ZBTB40: variants seen among roughly 807,000 people sequenced by gnomAD.
ZBTB40 encodes the protein zinc finger and BTB domain-containing protein 40.
Under a neutral mutation model 117.5 loss-of-function variants are expected in ZBTB40, and 60 were observed. That is an observed-to-expected ratio of 0.51 (90% CI 0.41 to 0.63). ZBTB40 has a LOEUF of 0.63. ZBTB40 is among the 30% of genes least tolerant of loss of function. The probability of loss-of-function intolerance (pLI) is 0.00; values close to 1 mark genes in which losing one functional copy is unlikely to be tolerated. For synonymous variants in ZBTB40, 525 were observed against 577.1 expected, an observed-to-expected ratio of 0.91 and a Z score of 1.29; for missense variants, 1,287 against 1,498.5, an observed-to-expected ratio of 0.86 and a Z score of 2.33.
At chr1:22,459,103 TATATC>T (rs1420867425) in intron 1 of ZBTB40, among the ~76,000 whole-genome samples, 1 of 152,254 alleles carries the variant, frequency 6.6e-6, no homozygotes, top group Non-Finnish European at 1.5e-5. Flanking sequence ...AGATAAAGGA[TATATC>T]ATGTCTGTGA....
rs368494166 is a variant in ZBTB40 at position 22,506,294 on chromosome 1, T to C, written c.1360+53T>C. On this transcript the variant is annotated intron_variant, in intron 6 of 17. Coordinates refer to ENST00000375647, the MANE Select transcript of ZBTB40 (RefSeq NM_014870.4). ...CTGGAACCACTCTTCCAGAAAATTGTAGCTTGAAACACCCTTTTGGCTCCA... is the reference window on the plus strand; with the variant it reads ...CTGGAACCACTCTTCCAGAAAATTGCAGCTTGAAACACCCTTTTGGCTCCA... The C allele has an allele frequency of 1.1e-5, 17 of 1,591,558 alleles. No homozygotes were observed. In the East Asian group the frequency reaches 1.3e-4, roughly 13 times the overall value.
chr1:22,438,703 A>G (rs145630386), intron 1 of ZBTB40, among the ~76,000 whole-genome samples: 217 of 152,250 alleles, frequency 1.4e-3, no homozygotes, highest in African/African-American at 4.6e-3. Context: ...TTTTTGTTTT[A>G]TAGCAGCTGT....
In ZBTB40 at chr1:22,517,867, G is replaced by C. The variant is rs533899391; in HGVS notation, c.2833+403G>C. Reference sequence around the variant, plus strand: ...ACTTTCTGAGTTAATGTCTACCATCGTAAGTGAGCCTTGGTTATGTTTCCT... The same window carrying C: ...ACTTTCTGAGTTAATGTCTACCATCCTAAGTGAGCCTTGGTTATGTTTCCT... On this transcript the variant is annotated intron_variant, in intron 13 of 17. Transcript: ENST00000375647. Among the ~76,000 whole-genome samples, 4 of 152,262 alleles carry C rather than the reference G, an allele frequency of 2.6e-5. No homozygotes were observed. The South Asian group carries it at 8.3e-4, about 32-fold the overall frequency.
At chr1:22,463,443 A>G (rs1641176359) in intron 1 of ZBTB40, among the ~76,000 whole-genome samples, 1 of 152,256 alleles carries the variant, frequency 6.6e-6, no homozygotes, top group Admixed American at 6.5e-5. Flanking sequence ...TTTTCAGGGC[A>G]GAGCAAAATG....
At chr1:22,508,450 C>T in intron 7 of ZBTB40, 80 bp from the exon 8 acceptor site, 6 of 1,526,006 alleles carry the variant, frequency 3.9e-6, no homozygotes, top group Non-Finnish European at 4.5e-6. Context: ...CACTGTAACC[C>T]AATATCTAGA....
intron 1 of ZBTB40, among the ~76,000 whole-genome samples, chr1:22,466,768 C>T (rs1002851538): frequency 1.1e-4 from 17 of 150,734 alleles, no homozygotes; most frequent in Non-Finnish European, 1.5e-4. Context: ...GTAAGAGTTC[C>T]GGATACTAGA....
At chr1:22,481,727 T>C in intron 1 of ZBTB40, among the ~76,000 whole-genome samples, 1 of 144,894 alleles carries the variant, frequency 6.9e-6, no homozygotes. Flanking sequence ...AAAGATCTAA[T>C]GTATGTCCAG....
chr1:22,492,418 C>A (rs564029764), intron 3 of ZBTB40, among the ~76,000 whole-genome samples: 1 of 152,310 alleles, frequency 6.6e-6, no homozygotes, highest in Non-Finnish European at 1.5e-5. Context: ...CCTGACCCTG[C>A]AGGATTCGAC....
At chr1:22,518,792 A>C (rs550915612) in intron 13 of ZBTB40, among the ~76,000 whole-genome samples, 1 of 152,288 alleles carries the variant, frequency 6.6e-6, no homozygotes, top group East Asian at 1.9e-4. Flanking sequence ...TCCAGATGAG[A>C]GATTTGGCTT....
chr1:22,512,309 C>T (rs1203860019), intron 11 of ZBTB40, among the ~76,000 whole-genome samples, 175 bp downstream of exon 11: 2 of 152,132 alleles, frequency 1.3e-5, no homozygotes, highest in African/African-American at 2.4e-5. Flanking sequence ...AATCAGCCCC[C>T]GAGCTTTGAT....
intron 1 of ZBTB40, among the ~76,000 whole-genome samples, chr1:22,472,051 T>C (rs1294921046): frequency 6.6e-6 from 1 of 152,208 alleles, no homozygotes; most frequent in African/African-American, 2.4e-5. Flanking sequence ...GAGCTGTACC[T>C]GGTCCCCTTA....
chr1:22,516,742 T>G (rs1174080238), intron 12 of ZBTB40, among the ~76,000 whole-genome samples: 1 of 152,160 alleles, frequency 6.6e-6, no homozygotes, highest in Non-Finnish European at 1.5e-5. Context: ...ATGCCAGTTC[T>G]CCAGACTTGT....
At position 22,490,467 on chromosome 1, in the gene ZBTB40, T is replaced by C. The variant is rs758671682; in HGVS notation, c.519T>C (p.Ala173=). 4 of 1,600,656 alleles carry C rather than the reference T, an allele frequency of 2.5e-6. No individual in the cohort carries two copies. In the Admixed American group the frequency reaches 5.1e-5, roughly 21 times the overall value. ...CCACTCCAGGGGGCCCTGTGAAAGC[T>C]GAGACTGAGGAAGCAGCCCATTCAG... ...LAATPGGPVK[A]ETEEAAHSVS... is the part of the protein sequence containing the mutation. The change falls in exon 2 of 18, where the codon GCT becomes GCC. Residue 173 remains alanine (A), a synonymous_variant. Transcript: ENST00000375647.
chr1:22,510,698 T>C (rs1034925683), intron 9 of ZBTB40, among the ~76,000 whole-genome samples: 1 of 152,216 alleles, frequency 6.6e-6, no homozygotes, highest in Non-Finnish European at 1.5e-5. Context: ...AAATGACGTT[T>C]AAATGGGTAC....
At chr1:22,445,708 A>G (rs1640780504) in intron 1 of ZBTB40, among the ~76,000 whole-genome samples, 1 of 152,114 alleles carries the variant, frequency 6.6e-6, no homozygotes, top group South Asian at 2.1e-4. Flanking sequence ...ATACAAAATT[A>G]GCTGGGCATG....
At chr1:22,464,097 TG>T (rs1309287031) in intron 1 of ZBTB40, among the ~76,000 whole-genome samples, 1 of 152,248 alleles carries the variant, frequency 6.6e-6, no homozygotes, top group African/African-American at 2.4e-5. Context: ...TGGCCTGTGG[TG>T]CCAGTGCTTT....
intron 10 of ZBTB40, 98 bp downstream of exon 10, chr1:22,511,445 T>C (rs1195747955): frequency 4.6e-6 from 7 of 1,509,064 alleles, no homozygotes; most frequent in Non-Finnish European, 1.8e-6. Context: ...TATCACAACC[T>C]TAAGTTACGT....
chr1:22,519,662 T>C (rs930245520), intron 13 of ZBTB40: 3 of 289,174 alleles, frequency 1.0e-5, no homozygotes, highest in African/African-American at 4.4e-5. Context: ...GAATTAGTGA[T>C]GCTCTGGGGA....
At chr1:22,488,381 G>C (rs370931022) in intron 1 of ZBTB40, among the ~76,000 whole-genome samples, 6 of 152,170 alleles carry the variant, frequency 3.9e-5, no homozygotes, top group African/African-American at 1.4e-4. Context: ...ACGAAGGAGC[G>C]GGATGTTCTG....
Sources: allele counts gnomAD v4.1 joint callset (sites outside exome capture counted in the v4.1 genomes callset), GRCh38; gene constraint gnomAD v4.1.1; transcripts MANE v1.5; gene names NCBI Gene and HGNC (gene_info 2026-07-23, HGNC 2026-07-21).